NEGR1: variants seen among roughly 807,000 people sequenced by gnomAD.
The protein encoded by NEGR1 is neuronal growth regulator 1.
Under a neutral mutation model 40.9 loss-of-function variants are expected in NEGR1, and 10 were observed. That is an observed-to-expected ratio of 0.24 (90% CI 0.15 to 0.42). The LOEUF (loss-of-function observed/expected upper bound fraction) is 0.42. Among genes scored for constraint, NEGR1 ranks in the 10% least tolerant of loss-of-function variants. The pLI, the probability that NEGR1 is intolerant of heterozygous loss-of-function variation, is 1.00. For synonymous variants in NEGR1, 185 were observed against 166.8 expected (o/e 1.11, Z -0.84); for missense variants, 352 against 438.9 (o/e 0.80, Z 1.77).
chr1:72,138,032 A>T (rs769742714), intron 1 of NEGR1, among the ~76,000 whole-genome samples: 2 of 152,008 alleles, frequency 1.3e-5, no homozygotes, highest in African/African-American at 2.4e-5. Flanking sequence ...CCACTGGCAG[A>T]CTCATCACAC....
intron 1 of NEGR1, among the ~76,000 whole-genome samples, chr1:72,215,755 TTGG>T (rs1653778381): frequency 6.6e-6 from 1 of 152,070 alleles, no homozygotes; most frequent in South Asian, 2.1e-4. Context: ...TTTTACACTC[TTGG>T]TGGGACTGTA....
intron 1 of NEGR1, among the ~76,000 whole-genome samples, chr1:71,963,797 A>AT (rs988608481): frequency 3.3e-5 from 5 of 152,070 alleles, no homozygotes; most frequent in Admixed American, 6.6e-5. Context: ...TCATTTTCTC[A>AT]TTTTTTTGAC....
intron 1 of NEGR1, among the ~76,000 whole-genome samples, chr1:72,142,185 G>T (rs2100337025): frequency 6.6e-6 from 1 of 151,888 alleles, no homozygotes; most frequent in African/African-American, 2.4e-5. Flanking sequence ...GGAGGTAATT[G>T]GTACTTAGAT....
At chr1:71,408,969 C>T (rs1192046950) in intron 6 of NEGR1, 1 of 152,020 alleles carries the variant, frequency 6.6e-6, no homozygotes, top group Non-Finnish European at 1.5e-5. Context: ...ACATTGGTCC[C>T]TGCAGTGGGA....
chr1:71,808,171 C>T (rs1213304124), intron 2 of NEGR1, among the ~76,000 whole-genome samples: 1 of 152,114 alleles, frequency 6.6e-6, no homozygotes, highest in African/African-American at 2.4e-5. Flanking sequence ...AAAGTTGCAA[C>T]TCTTAAGAGG....
intron 1 of NEGR1, among the ~76,000 whole-genome samples, chr1:72,235,125 C>A (rs989302587): frequency 2.0e-5 from 3 of 151,998 alleles, no homozygotes; most frequent in African/African-American, 7.2e-5. Context: ...TGGCCTAAAA[C>A]AACATGTTGA....
rs778432312 is a variant in NEGR1, at chr1:71,407,564, C to T, written c.947G>A (p.Ser316Asn). 5 of 1,611,844 alleles carry T rather than the reference C, an allele frequency of 3.1e-6. No individual in the cohort carries two copies. Among genetic ancestry groups the T allele is most frequent in the South Asian group, 1.1e-5 (1 of 90,938 alleles). The change falls in exon 7 of 7, where the codon AGT becomes AAT. Residue 316 changes from serine to asparagine, a missense_variant. Transcript: ENST00000357731. ...TNASLPLNPP[S>N]TAQYGITGSA... ...CCCGGTAATTCCATACTGGGCTGTACTTGGAGCTGGAAAGAAATGGAAAAG... is the reference window on the plus strand; with the variant it reads ...CCCGGTAATTCCATACTGGGCTGTATTTGGAGCTGGAAAGAAATGGAAAAG...
intron 1 of NEGR1, among the ~76,000 whole-genome samples, chr1:72,053,712 G>T (rs1647084134): frequency 6.6e-6 from 1 of 150,992 alleles, no homozygotes; most frequent in South Asian, 2.1e-4. Flanking sequence ...AGAAAAATGA[G>T]AAATGCTTAA....
intron 3 of NEGR1, among the ~76,000 whole-genome samples, chr1:71,749,802 G>C (rs1233432319): frequency 2.0e-5 from 3 of 152,242 alleles, no homozygotes; most frequent in Non-Finnish European, 4.4e-5. Context: ...TTTTAAAGCT[G>C]TATTATTTTG....
At chr1:71,784,002 A>G (rs1385834843) in intron 2 of NEGR1, among the ~76,000 whole-genome samples, 1 of 152,132 alleles carries the variant, frequency 6.6e-6, no homozygotes, top group Non-Finnish European at 1.5e-5. Flanking sequence ...CTTATTCCCA[A>G]GGTGTATTGG....
At chr1:71,424,236 T>C (rs569146189) in intron 6 of NEGR1, among the ~76,000 whole-genome samples, 1 of 152,170 alleles carries the variant, frequency 6.6e-6, no homozygotes, top group Non-Finnish European at 1.5e-5. Flanking sequence ...TTGGGTAAAA[T>C]AAAATTATCT....
chr1:71,999,575 A>G lies in NEGR1; in HGVS notation c.177-64264T>C, dbSNP rs1240846036. Among the ~76,000 whole-genome samples, 4 of 140,100 alleles carry G rather than the reference A, an allele frequency of 2.9e-5. No homozygotes were observed. The East Asian group carries it at 7.9e-4, about 28-fold the overall frequency. 91.9% of individuals were successfully genotyped at this position (140,100 alleles called of 152,430 possible). A position where few individuals can be genotyped will look rare whatever the true frequency, so the allele number is the denominator to read the frequency against. ...TCTGTCTTCTGAAAATTTTTAAGAT[A>G]CTGTACATTCCTTCTCACTCCCAAA... On this transcript the variant is annotated intron_variant, in intron 1 of 6. Transcript: ENST00000357731.
intron 2 of NEGR1, among the ~76,000 whole-genome samples, chr1:71,874,512 T>C (rs1394613525): frequency 6.6e-6 from 1 of 152,186 alleles, no homozygotes; most frequent in Non-Finnish European, 1.5e-5. Context: ...TTCATTCTCA[T>C]ACCTACAAAG....
intron 4 of NEGR1, among the ~76,000 whole-genome samples, chr1:71,672,460 C>A (rs923241850): frequency 2.6e-5 from 4 of 152,128 alleles, no homozygotes; most frequent in Admixed American, 1.3e-4. Context: ...ATCTTGTTCA[C>A]CATTGTATAT....
At chr1:71,599,465 AG>A (rs1014926084) in intron 5 of NEGR1, among the ~76,000 whole-genome samples, 3 of 152,224 alleles carry the variant, frequency 2.0e-5, no homozygotes, top group Non-Finnish European at 4.4e-5. Context: ...AGGAGGAGCA[AG>A]AACTGCTAGA....
At chr1:72,192,307 G>A (rs1221964320) in intron 1 of NEGR1, among the ~76,000 whole-genome samples, 2 of 151,740 alleles carry the variant, frequency 1.3e-5, no homozygotes, top group Non-Finnish European at 2.9e-5. Flanking sequence ...ATTGTAAAAA[G>A]AATCAGTGGT....
In NEGR1 at chr1:71,400,896, G is replaced by A. The variant is rs1370765613; in HGVS notation, c.*6550C>T. 3 of 152,264 alleles carry A rather than the reference G, an allele frequency of 2.0e-5. No homozygotes were observed. Among genetic ancestry groups the A allele is most frequent in the African/African-American group, 7.2e-5 (3 of 41,430 alleles). 9.4% of individuals were successfully genotyped at this position (152,264 alleles called of 1,614,324 possible). ...AAAAATACAAAACTTAGCCAGGTGT[G>A]GTGGCACGTGCCTATAATCCCAGCT... On this transcript the variant is annotated 3_prime_UTR_variant, in exon 7 of 7. Transcript: ENST00000357731.
intron 1 of NEGR1, among the ~76,000 whole-genome samples, chr1:71,981,089 G>A (rs1363831773): frequency 1.3e-5 from 2 of 152,024 alleles, no homozygotes; most frequent in Non-Finnish European, 2.9e-5. Flanking sequence ...ATTCATCATT[G>A]TATCCCAAGA....
intron 4 of NEGR1, among the ~76,000 whole-genome samples, chr1:71,653,287 A>G (rs1651776823): frequency 6.6e-6 from 1 of 152,242 alleles, no homozygotes; most frequent in Non-Finnish European, 1.5e-5. Context: ...ATATTTATGA[A>G]GACATATACA....
Sources: gnomAD v4.1 joint callset for allele counts (sites outside exome capture counted in the v4.1 genomes callset) on GRCh38, gnomAD v4.1.1 for gene constraint, MANE v1.5 for transcripts, NCBI Gene and HGNC (gene_info 2026-07-23, HGNC 2026-07-21) for gene names.